RPL37: variants seen among roughly 807,000 people sequenced by gnomAD.
The protein encoded by RPL37 is large ribosomal subunit protein eL37.
In RPL37, 1 loss-of-function variant was observed where a neutral mutation model predicts 14.8. The observed-to-expected ratio is 0.07, with a 90% CI of 0.02 to 0.32. RPL37 has a LOEUF of 0.32. RPL37 is among the 10% of genes least tolerant of loss of function. The pLI is 1.00. For missense variants in RPL37, 100 were observed against 128.3 expected (o/e 0.78, Z 1.06); for synonymous variants, 53 against 45.8 (o/e 1.16, Z -0.63).
chr5:40,834,763 AC>A (rs1458929210), intron 1 of RPL37, among the ~76,000 whole-genome samples, 157 bp from the exon 2 acceptor site: 4 of 152,194 alleles, frequency 2.6e-5, no homozygotes, highest in Non-Finnish European at 5.9e-5. Flanking sequence ...AGAGACCACT[AC>A]CCGCATTTCA....
At position 40,830,766 on chromosome 5, in the gene RPL37, A is replaced by G. The variant is rs1745624729; in HGVS notation, c.*1738T>C. ...CACCTCGGCCTCCCAAAGTGCCAGG[A>G]TTACAGCCGTGAGCCACCACACCGG... On this transcript the variant is annotated 3_prime_UTR_variant, in exon 4 of 4. Coordinates refer to ENST00000274242, the MANE Select transcript of RPL37 (RefSeq NM_000997.5). 6.6e-6 allele frequency: 1 copy of G among 150,986 alleles called. No homozygotes were observed. The highest frequency in any genetic ancestry group is 2.4e-5 in the African/African-American group (1 of 41,062). The allele number at this position is 150,986 out of a possible 1,614,324, so 9.4% of individuals were successfully genotyped here. A position where few individuals can be genotyped will look rare whatever the true frequency, so the allele number is the denominator to read the frequency against.
rs1194134830 is a variant in RPL37 at position 40,828,452 on chromosome 5, T to G, written c.*4052A>C. 1 of 152,174 alleles carries G rather than the reference T, an allele frequency of 6.6e-6. No homozygotes were observed. The highest frequency in any genetic ancestry group is 1.5e-5 in the Non-Finnish European group (1 of 68,022). 9.4% of individuals were successfully genotyped at this position (152,174 alleles called of 1,614,324 possible). Reference sequence around the variant, plus strand: ...AGTCACTAAATAGATACTTGCTTCATGAATGAAGGGCACCATTTAGTCAAT... The same window carrying G: ...AGTCACTAAATAGATACTTGCTTCAGGAATGAAGGGCACCATTTAGTCAAT... On this transcript the variant is annotated 3_prime_UTR_variant, in exon 4 of 4. Transcript: ENST00000274242.
At position 40,832,252 on chromosome 5, in the gene RPL37, GC is replaced by G; in HGVS notation, c.*251del. ...TTAATCTGCTATATTGTCTTCCAGT[GC>G]CCTCTGCTTCAAGGACTCCTGGAAT... On this transcript the variant is annotated 3_prime_UTR_variant, in exon 4 of 4. Transcript: ENST00000274242. The G allele has an allele frequency of 2.1e-6, 1 of 485,930 alleles. No homozygotes were observed. Among genetic ancestry groups the G allele is most frequent in the Admixed American group, 3.3e-5 (1 of 30,766 alleles). 30.1% of individuals were successfully genotyped at this position (485,930 alleles called of 1,614,324 possible). A position where few individuals can be genotyped will look rare whatever the true frequency, so the allele number is the denominator to read the frequency against.
chr5:40,833,603 T>C (rs1044028855), intron 3 of RPL37, among the ~76,000 whole-genome samples: 2 of 152,162 alleles, frequency 1.3e-5, no homozygotes, highest in East Asian at 1.9e-4. Flanking sequence ...GCCACTATAC[T>C]AAAGGTTGAA....
Position 40,826,162 on chromosome 5 carries a change from A to C in RPL37, c.*6342T>G, listed in dbSNP as rs1174272894. ...ACTCCTCAGGAGTTCAAATAATTTT[A>C]ATCATTTTTAAGGCAAAGAAAATAC... On this transcript the variant is annotated 3_prime_UTR_variant, in exon 4 of 4. Transcript: ENST00000274242. 1 of 152,232 alleles carries C rather than the reference A, an allele frequency of 6.6e-6. No homozygotes were observed. Among genetic ancestry groups the C allele is most frequent in the African/African-American group, 2.4e-5 (1 of 41,454 alleles). The allele number at this position is 152,232 out of a possible 1,614,324, so 9.4% of individuals were successfully genotyped here.
intron 1 of RPL37, chr5:40,834,980 C>G (rs1022366073): frequency 2.0e-5 from 14 of 704,462 alleles, no homozygotes; most frequent in Non-Finnish European, 2.4e-5. Flanking sequence ...CAATGCGGCT[C>G]TAGCACCACA....
In RPL37 at chr5:40,825,411, C is replaced by G. The variant is rs1051329696; in HGVS notation, c.*7093G>C. On this transcript the variant is annotated 3_prime_UTR_variant, in exon 4 of 4. Transcript: ENST00000274242. ...AAATGGAGATATATCAACTCTCATA[C>G]AATTCTAAAAGCATTGTGCTGTGCT... The G allele has an allele frequency of 6.6e-6, 1 of 152,192 alleles. No homozygotes were observed. Among genetic ancestry groups the G allele is most frequent in the Non-Finnish European group, 1.5e-5 (1 of 68,036 alleles). 9.4% of individuals were successfully genotyped at this position (152,192 alleles called of 1,614,324 possible).
intron 1 of RPL37, 89 bp downstream of exon 1, chr5:40,835,094 A>C (rs944639899): frequency 5.1e-6 from 8 of 1,579,722 alleles, no homozygotes; most frequent in Non-Finnish European, 7.0e-6. Flanking sequence ...CCTTATCCGG[A>C]ATCTTGCCAG....
rs1006925163 is a variant in RPL37 at position 40,825,274 on chromosome 5, A to G, written c.*7230T>C. 7.9e-5 allele frequency: 12 copies of G among 152,312 alleles called. No individual in the cohort carries two copies. Among genetic ancestry groups the G allele is most frequent in the South Asian group, 4.1e-4 (2 of 4,824 alleles). The allele number at this position is 152,312 out of a possible 1,614,324, so 9.4% of individuals were successfully genotyped here. A position where few individuals can be genotyped will look rare whatever the true frequency, so the allele number is the denominator to read the frequency against. On this transcript the variant is annotated 3_prime_UTR_variant, in exon 4 of 4. Coordinates refer to ENST00000274242, the MANE Select transcript of RPL37 (RefSeq NM_000997.5). Reference sequence around the variant, plus strand: ...TGCAAAAGTAGTATTTCATTGTACAATATCTTTATTAAAGAAATGCATTCC... The same window carrying G: ...TGCAAAAGTAGTATTTCATTGTACAGTATCTTTATTAAAGAAATGCATTCC...
rs1408802767 is a variant in RPL37, at chr5:40,827,906, T to C, written c.*4598A>G. The C allele has an allele frequency of 6.6e-6, 1 of 152,110 alleles. No homozygotes were observed. The highest frequency in any genetic ancestry group is 1.9e-4 in the East Asian group (1 of 5,178). The allele number at this position is 152,110 out of a possible 1,614,324, so 9.4% of individuals were successfully genotyped here. A position where few individuals can be genotyped will look rare whatever the true frequency, so the allele number is the denominator to read the frequency against. On this transcript the variant is annotated 3_prime_UTR_variant, in exon 4 of 4. Transcript: ENST00000274242. Reference sequence around the variant, plus strand: ...CTTCCATTCTTAGTTCTTGAGGTTATGCAGTGTCTTTGCCCTGTGCTTCTC... The same window carrying C: ...CTTCCATTCTTAGTTCTTGAGGTTACGCAGTGTCTTTGCCCTGTGCTTCTC...
chr5:40,832,389 A>C lies in RPL37; in HGVS notation c.*115T>G. 3.3e-6 allele frequency: 3 copies of C among 898,240 alleles called. No individual in the cohort carries two copies. The highest frequency in any genetic ancestry group is 1.9e-6 in the Non-Finnish European group (1 of 532,834). The allele number at this position is 898,240 out of a possible 1,614,324, so 55.6% of individuals were successfully genotyped here. ...TGATATGAAGCTAGCCCAGTCCCTAAACCTACAGTATTTCACTGATACTAC... is the reference window on the plus strand; with the variant it reads ...TGATATGAAGCTAGCCCAGTCCCTACACCTACAGTATTTCACTGATACTAC... On this transcript the variant is annotated 3_prime_UTR_variant, in exon 4 of 4. Transcript: ENST00000274242.
Position 40,834,282 on chromosome 5 carries a change from G to C in RPL37, c.140-17C>G. On this transcript the variant is annotated splice_polypyrimidine_tract_variant and intron_variant, in intron 2 of 3. Coordinates refer to ENST00000274242, the MANE Select transcript of RPL37 (RefSeq NM_000997.5). ...TCCAGTTATCTAAAACATAAGTTCA[G>C]AAAAGATTTCAAACGGTGTTCTCCC... is the stretch of plus-strand genomic sequence containing the variant. 1 of 1,611,580 alleles carries C rather than the reference G, an allele frequency of 6.2e-7. No individual in the cohort carries two copies. Among genetic ancestry groups the C allele is most frequent in the Non-Finnish European group, 8.5e-7 (1 of 1,177,748 alleles).
At chr5:40,833,839 T>TC (rs1206150420) in intron 3 of RPL37, 1 of 209,712 alleles carries the variant, frequency 4.8e-6, no homozygotes, top group East Asian at 1.4e-4. Flanking sequence ...GCCCAGGAGT[T>TC]CCGAGATTAT....
In RPL37 at chr5:40,834,441, AAC is replaced by A. The variant is rs776078647; in HGVS notation, c.139+28_139+29del. The stretch of plus-strand genomic sequence containing the variant: ...CTTAAGTGCAATACAAACAAAAGCT[AAC>A]ACAGTTGGCCTGAAAAATGTTACTT... On this transcript the variant is annotated intron_variant, in intron 2 of 3. Transcript: ENST00000274242. 8 of 1,606,198 alleles carry A rather than the reference AAC, an allele frequency of 5.0e-6. No homozygotes were observed. In the South Asian group the frequency reaches 8.9e-5, roughly 18 times the overall value.
At chr5:40,833,842 G>A (rs1288085294) in intron 3 of RPL37, 2 of 208,270 alleles carry the variant, frequency 9.6e-6, no homozygotes, top group East Asian at 1.4e-4. Flanking sequence ...CAGGAGTTCC[G>A]AGATTATCCT....
At chr5:40,833,714 GCTC>G (rs1424435640) in intron 3 of RPL37, among the ~76,000 whole-genome samples, 1 of 150,024 alleles carries the variant, frequency 6.7e-6, no homozygotes. Flanking sequence ...TTCAAACAAT[GCTC>G]CTGTTATTTA....
Position 40,830,963 on chromosome 5 carries a change from A to T in RPL37, c.*1541T>A, listed in dbSNP as rs550315451. ...ATCTTCACTTGAAAATTTGATGATG[A>T]CAGCCGGGAGTGGTGGCTCACGCCT... On this transcript the variant is annotated 3_prime_UTR_variant, in exon 4 of 4. Coordinates refer to ENST00000274242, the MANE Select transcript of RPL37 (RefSeq NM_000997.5). 1 of 150,892 alleles carries T rather than the reference A, an allele frequency of 6.6e-6. No individual in the cohort carries two copies. The highest frequency in any genetic ancestry group is 1.5e-5 in the Non-Finnish European group (1 of 67,738). 9.3% of individuals were successfully genotyped at this position (150,892 alleles called of 1,614,324 possible). A position where few individuals can be genotyped will look rare whatever the true frequency, so the allele number is the denominator to read the frequency against.
rs1364975101 is a variant in RPL37 at position 40,830,676 on chromosome 5, T to C, written c.*1828A>G. On this transcript the variant is annotated 3_prime_UTR_variant, in exon 4 of 4. Coordinates refer to ENST00000274242, the MANE Select transcript of RPL37 (RefSeq NM_000997.5). ...CACACCCAGCTAATTTTTGTATTTT[T>C]AGTAGAGTTGGGGTCTCACCATGTG... is the stretch of plus-strand genomic sequence containing the variant. The C allele has an allele frequency of 1.3e-5, 2 of 152,002 alleles. No homozygotes were observed. Among genetic ancestry groups the C allele is most frequent in the East Asian group, 2.0e-4 (1 of 5,062 alleles). 9.4% of individuals were successfully genotyped at this position (152,002 alleles called of 1,614,324 possible).
intron 2 of RPL37, 66 bp from the exon 3 acceptor site, chr5:40,834,331 C>A: frequency 6.4e-7 from 1 of 1,572,516 alleles, no homozygotes; most frequent in Non-Finnish European, 8.7e-7. Context: ...GTGTTGTTAA[C>A]ACACGAGTTT....
Sources: allele counts gnomAD v4.1 joint callset (sites outside exome capture counted in the v4.1 genomes callset), GRCh38; gene constraint gnomAD v4.1.1; transcripts MANE v1.5; gene names NCBI Gene and HGNC (gene_info 2026-07-23, HGNC 2026-07-21).